Variants in NUP188 observed in about 807,000 individuals in gnomAD.
NUP188 encodes the protein nucleoporin NUP188.
A neutral mutation model predicts 223.0 loss-of-function variants in NUP188; 97 were observed. The ratio of observed to expected loss-of-function variants is 0.43; its 90% confidence interval spans 0.37 to 0.51. The LOEUF (loss-of-function observed/expected upper bound fraction) is 0.51, where lower values mean the gene tolerates loss of function less well. Among genes scored for constraint, NUP188 ranks in the 20% least tolerant of loss-of-function variants. The pLI, the probability that NUP188 is intolerant of heterozygous loss-of-function variation, is 0.00. For synonymous variants in NUP188, 869 were observed against 828.0 expected (o/e 1.05, Z -0.85); for missense variants, 1,947 against 2,175.6 (o/e 0.89, Z 2.09).
intron 11 of NUP188, among the ~76,000 whole-genome samples, 184 bp downstream of exon 11, chr9:128,971,142 C>T (rs2131155808): frequency 1.3e-5 from 2 of 152,246 alleles, no homozygotes; most frequent in Non-Finnish European, 2.9e-5. Context: ...ATCCTTGTAA[C>T]ACTTCTTCGT....
Position 128,970,616 on chromosome 9 carries a change from G to C in NUP188, c.913-142G>C, listed in dbSNP as rs369852476. 2.4e-5 allele frequency: 16 copies of C among 665,276 alleles called. No individual in the cohort carries two copies. The African/African-American group carries it at 2.9e-4, about 12-fold the overall frequency. The allele number at this position is 665,276 out of a possible 1,614,324, so 41.2% of individuals were successfully genotyped here. ...GAGGGGTTTATTAGTGAGGTGACTG[G>C]GGGTTTGAGAAGAGTGAAATATCAG... On this transcript the variant is annotated intron_variant, in intron 10 of 43. Coordinates refer to ENST00000372577, the MANE Select transcript of NUP188 (RefSeq NM_015354.3).
Position 128,983,541 on chromosome 9 carries a change from A to G in NUP188, c.1952A>G (p.Gln651Arg), listed in dbSNP as rs200670335. 6.2e-6 allele frequency: 10 copies of G among 1,613,818 alleles called. No homozygotes were observed. The highest frequency in any genetic ancestry group is 4.5e-5 in the East Asian group (2 of 44,874). Reference protein sequence around the residue: ...FVAHPVSSLSQMISAEGMNAG... With the variant: ...FVAHPVSSLSRMISAEGMNAG... ...GCCCATCCTGTCTCCAGCCTGAGTC[A>G]GATGATTAGGTGAGCCAAGTCCTAG... The change falls in exon 19 of 44, where the codon CAG becomes CGG. Residue 651 changes from glutamine to arginine, a missense_variant. Gln to Arg is a conservative substitution (Grantham distance 43, BLOSUM62 1). Transcript: ENST00000372577.
At chr9:128,951,791 ATTT>A (rs781580322) in intron 2 of NUP188, among the ~76,000 whole-genome samples, 1 of 138,302 alleles carries the variant, frequency 7.2e-6, no homozygotes, top group Admixed American at 7.3e-5. Flanking sequence ...CTGGAATCTG[ATTT>A]TTTTTTTTTT....
chr9:128,983,126 G>A, intron 17 of NUP188, 98 bp downstream of exon 17: 1 of 1,521,966 alleles, frequency 6.6e-7, no homozygotes, highest in Non-Finnish European at 9.0e-7. Context: ...CTGGGTTAAA[G>A]TTCGCGCATA....
chr9:128,999,255 A>G lies in NUP188; in HGVS notation c.3599A>G (p.Glu1200Gly). ...GVLQADQQLMEKTKAKVFSAF... is the reference protein window; with the variant it reads ...GVLQADQQLMGKTKAKVFSAF... The stretch of plus-strand genomic sequence containing the variant: ...CTGCAGGCCGACCAGCAACTCATGG[A>G]GAAGACCAAGGCCAAGGTGTTCTCA... Residue 1200 changes from glutamate (E) to glycine (G), a missense_variant, in exon 33 of 44, where the codon GAG (glutamate) becomes GGG (glycine). Coordinates refer to ENST00000372577, the MANE Select transcript of NUP188 (RefSeq NM_015354.3). 6.2e-7 allele frequency: 1 copy of G among 1,614,170 alleles called. No homozygotes were observed.
chr9:128,976,443 G>C (rs1456812820), intron 12 of NUP188, among the ~76,000 whole-genome samples: 2 of 152,054 alleles, frequency 1.3e-5, no homozygotes, highest in African/African-American at 4.8e-5. Flanking sequence ...GACCAAAGAG[G>C]GCAGATCATC....
rs1842466004 is a variant in NUP188 at position 128,993,514 on chromosome 9, CCTT to C, written c.2848-7_2848-5del. 1.2e-6 allele frequency: 2 copies of C among 1,613,832 alleles called. No individual in the cohort carries two copies. The highest frequency in any genetic ancestry group is 1.7e-6 in the Non-Finnish European group (2 of 1,179,876). ...CTGTGGAACTGAACTCTTACCTGTC[CCTT>C]CTTGCAGGAATTCAGCCTTGGGATG... is the stretch of plus-strand genomic sequence containing the variant. On this transcript the variant is annotated splice_polypyrimidine_tract_variant and splice_region_variant and intron_variant, in intron 26 of 43. Transcript: ENST00000372577.
At chr9:128,947,891 A>G in intron 1 of NUP188, 140 bp downstream of exon 1, 1 of 772,964 alleles carries the variant, frequency 1.3e-6, no homozygotes, top group Non-Finnish European at 1.8e-6. Flanking sequence ...CCGAGACGGG[A>G]GGCGGTTACG....
chr9:128,982,425 CT>C, intron 15 of NUP188, 123 bp from the exon 16 acceptor site: 1 of 902,978 alleles, frequency 1.1e-6, no homozygotes, highest in South Asian at 1.7e-5. Flanking sequence ...GAGACTCTGT[CT>C]CAAAAAAAAA....
chr9:128,959,209 G>A (rs1841911413), intron 8 of NUP188, 75 bp downstream of exon 8: 37 of 1,215,222 alleles, frequency 3.0e-5, no homozygotes, highest in Non-Finnish European at 3.6e-5. Flanking sequence ...AGGCTGGAGT[G>A]CAGTGGCATG....
chr9:129,001,457 C>T (rs1171864178), intron 34 of NUP188, 72 bp from the exon 35 acceptor site: 5 of 1,481,198 alleles, frequency 3.4e-6, no homozygotes, highest in Non-Finnish European at 4.7e-6. Context: ...GCAACCAGGC[C>T]CACCGCTGCC....
chr9:128,983,442 G>A, intron 18 of NUP188, 32 bp from the exon 19 acceptor site: 1 of 1,612,486 alleles, frequency 6.2e-7, no homozygotes, highest in Non-Finnish European at 8.5e-7. Flanking sequence ...CTGAAGATAT[G>A]TGGGCATTTA....
chr9:128,950,968 C>T (rs2131135003), intron 2 of NUP188, among the ~76,000 whole-genome samples: 1 of 152,230 alleles, frequency 6.6e-6, no homozygotes, highest in African/African-American at 2.4e-5. Context: ...GTGTTCATTG[C>T]TTGGCTGCTG....
In NUP188 at chr9:128,993,628, C is replaced by T; in HGVS notation, c.2951C>T (p.Ala984Val). ...YWCPPLLHRAAIAFLHALWQD... is the reference protein window; with the variant it reads ...YWCPPLLHRAVIAFLHALWQD... ...TGCCCACCCCTGCTGCATCGTGCCG[C>T]CATTGCCTTTTTGCATGCTCTGTGG... The change falls in exon 27 of 44, where the codon GCC becomes GTC. Residue 984 changes from alanine (A) to valine (V), a missense_variant. Coordinates refer to ENST00000372577, the MANE Select transcript of NUP188 (RefSeq NM_015354.3). 1 of 1,614,212 alleles carries T rather than the reference C, an allele frequency of 6.2e-7. No homozygotes were observed. The highest frequency in any genetic ancestry group is 8.5e-7 in the Non-Finnish European group (1 of 1,180,042).
rs1367070719 is a variant in NUP188, at chr9:128,949,238, G to A, written c.82G>A (p.Glu28Lys). 7.4e-6 allele frequency: 12 copies of A among 1,611,752 alleles called. No individual in the cohort carries two copies. The South Asian group carries it at 1.1e-4, about 15-fold the overall frequency. The change falls in exon 2 of 44, where the codon GAG becomes AAG. Residue 28 changes from glutamate (E) to lysine (K), a missense_variant. Transcript: ENST00000372577. Reference protein sequence around the residue: ...TILLGRSALRELSQIEAELNK... With the variant: ...TILLGRSALRKLSQIEAELNK... ...TCTGCTTGGAAGGTCAGCTCTGAGAGAGCTGGTAAGTGGTGGTGTTCTTGA... is the reference window on the plus strand; with the variant it reads ...TCTGCTTGGAAGGTCAGCTCTGAGAAAGCTGGTAAGTGGTGGTGTTCTTGA...
chr9:128,998,563 G>GC lies in NUP188; in HGVS notation c.3457dup (p.Leu1153ProfsTer27). ...CTCCTAGTTCCAGCCTCAGTGAACT[G>GC]CCTTCGCCTTGGCTCCATGAAGTGC... On this transcript the variant is annotated frameshift_variant, in exon 32 of 44. Coordinates refer to ENST00000372577, the MANE Select transcript of NUP188 (RefSeq NM_015354.3). LOFTEE classifies it high-confidence loss of function. 6 of 1,614,154 alleles carry GC rather than the reference G, an allele frequency of 3.7e-6. No homozygotes were observed. Among genetic ancestry groups the GC allele is most frequent in the Non-Finnish European group, 5.1e-6 (6 of 1,180,016 alleles).
chr9:128,995,152 A>G (rs1842500186), intron 29 of NUP188, 167 bp from the exon 30 acceptor site: 1 of 640,162 alleles, frequency 1.6e-6, no homozygotes, highest in Admixed American at 2.8e-5. Context: ...TTTATGGAGG[A>G]GGAATCCTGG....
At chr9:128,986,403 A>G (rs961994068) in intron 20 of NUP188, among the ~76,000 whole-genome samples, 155 bp from the exon 21 acceptor site, 1 of 152,200 alleles carries the variant, frequency 6.6e-6, no homozygotes, top group African/African-American at 2.4e-5. Context: ...GCTCAACTAT[A>G]AAGTAGGACT....
intron 22 of NUP188, among the ~76,000 whole-genome samples, chr9:128,987,352 T>C (rs922271537): frequency 4.9e-4 from 75 of 152,188 alleles, no homozygotes; most frequent in African/African-American, 1.7e-3. Flanking sequence ...GGATTAATTA[T>C]GATCCTTTTC....
Sources: allele counts gnomAD v4.1 joint callset (sites outside exome capture counted in the v4.1 genomes callset), GRCh38; gene constraint gnomAD v4.1.1; transcripts MANE v1.5; gene names NCBI Gene and HGNC (gene_info 2026-07-23, HGNC 2026-07-21).